The following INTS9 variants were observed in gnomAD, a reference collection of about 807,000 sequenced individuals.
INTS9 encodes protein related to CPSF subunits of 74 kDa.
A neutral mutation model predicts 79.7 loss-of-function variants in INTS9; 55 were observed. That is an observed-to-expected ratio of 0.69 (90% CI 0.56 to 0.86). The LOEUF (loss-of-function observed/expected upper bound fraction) is 0.86, where lower values mean the gene tolerates loss of function less well. Ranked by LOEUF, INTS9 falls within the 40% of genes least tolerant of loss-of-function variation. The pLI, the probability that INTS9 is intolerant of heterozygous loss-of-function variation, is 0.00. For synonymous variants in INTS9, 319 were observed against 325.2 expected (o/e 0.98, Z 0.20); for missense variants, 721 against 831.5 (o/e 0.87, Z 1.64).
intron 6 of INTS9, among the ~76,000 whole-genome samples, chr8:28,823,105 T>G (rs1805942111): frequency 6.6e-6 from 1 of 152,110 alleles, no homozygotes; most frequent in Admixed American, 6.5e-5. Context: ...AGAGGACTTT[T>G]CAAGGAGATA....
At chr8:28,797,436 T>C (rs955745816) in intron 8 of INTS9, among the ~76,000 whole-genome samples, 2 of 152,238 alleles carry the variant, frequency 1.3e-5, no homozygotes, top group East Asian at 1.9e-4. Flanking sequence ...GGATTTCCTA[T>C]AAAATGGGGC....
chr8:28,807,837 C>T (rs1020887549), intron 8 of INTS9, among the ~76,000 whole-genome samples: 1 of 152,148 alleles, frequency 6.6e-6, no homozygotes, highest in African/African-American at 2.4e-5. Flanking sequence ...ATCATCATTG[C>T]TGTGCAACGT....
chr8:28,878,550 G>A (rs889608441), intron 1 of INTS9, among the ~76,000 whole-genome samples: 1 of 150,656 alleles, frequency 6.6e-6, no homozygotes, highest in Non-Finnish European at 1.5e-5. Flanking sequence ...TCAAACTTGC[G>A]AGCTCAAGTG....
rs565591437 is a variant in INTS9, at chr8:28,864,869, C to T, written c.10-5306G>A. Reference sequence around the variant, plus strand: ...AGCATGGTGGTGCACACCTGTAATCCCAGCTACCCGGGAGGCTGAGGCAGG... The same window carrying T: ...AGCATGGTGGTGCACACCTGTAATCTCAGCTACCCGGGAGGCTGAGGCAGG... On this transcript the variant is annotated intron_variant, in intron 1 of 16. Coordinates refer to ENST00000521022, the MANE Select transcript of INTS9 (RefSeq NM_018250.4). Among the ~76,000 whole-genome samples the T allele has an allele frequency of 5.9e-5, 9 of 151,826 alleles. No individual in the cohort carries two copies. In the East Asian group the frequency reaches 1.5e-3, roughly 26 times the overall value.
At chr8:28,870,959 A>G (rs1052739535) in intron 1 of INTS9, among the ~76,000 whole-genome samples, 11 of 152,200 alleles carry the variant, frequency 7.2e-5, no homozygotes, top group Non-Finnish European at 1.5e-4. Flanking sequence ...ATTTCCAAAC[A>G]GCTTTTGATA....
At chr8:28,778,301 C>G (rs184284692) in intron 12 of INTS9, among the ~76,000 whole-genome samples, 108 of 152,324 alleles carry the variant, frequency 7.1e-4, no homozygotes, top group African/African-American at 2.4e-3. Flanking sequence ...ATCACTTATT[C>G]AGATGAAAAT....
chr8:28,888,690 C>T (rs536944139), intron 1 of INTS9, among the ~76,000 whole-genome samples: 2 of 152,280 alleles, frequency 1.3e-5, no homozygotes, highest in Admixed American at 1.3e-4. Flanking sequence ...TTGCTATTCT[C>T]AAGGTTTAGT....
In INTS9 at chr8:28,793,830, C is replaced by T. The variant is rs1388992381; in HGVS notation, c.1014G>A (p.Glu338=). ...FISPVANSSL[E]FSQIFAEWLC... ...ACCACTCAGCAAAGATCTGGGAAAA[C>T]TCCAGTGAACTGTTGGCCACAGGGG... The change falls in exon 10 of 17, where the codon GAG becomes GAA. Residue 338 remains glutamate, a synonymous_variant. Coordinates refer to ENST00000521022, the MANE Select transcript of INTS9 (RefSeq NM_018250.4). 1 of 1,606,390 alleles carries T rather than the reference C, an allele frequency of 6.2e-7. No homozygotes were observed.
chr8:28,850,342 T>G, intron 2 of INTS9, 69 bp from the exon 3 acceptor site: 1 of 1,243,572 alleles, frequency 8.0e-7, no homozygotes, highest in Non-Finnish European at 1.2e-6. Flanking sequence ...TCATGGTAAC[T>G]TACTGTCTCC....
chr8:28,813,462 G>A, intron 7 of INTS9, 30 bp downstream of exon 7: 2 of 1,599,166 alleles, frequency 1.3e-6, no homozygotes, highest in Non-Finnish European at 1.7e-6. Context: ...AAGCATTCAT[G>A]AATAACTGAA....
At chr8:28,800,805 T>C (rs1265182027) in intron 8 of INTS9, among the ~76,000 whole-genome samples, 4 of 152,196 alleles carry the variant, frequency 2.6e-5, no homozygotes, top group African/African-American at 4.8e-5. Flanking sequence ...TCACTAACTA[T>C]GTGAGGTAAT....
At chr8:28,805,259 A>G (rs1170156614) in intron 8 of INTS9, among the ~76,000 whole-genome samples, 2 of 152,242 alleles carry the variant, frequency 1.3e-5, no homozygotes, top group Non-Finnish European at 2.9e-5. Context: ...AACAAGCGAT[A>G]CAAGTGGAAA....
At chr8:28,817,621 C>T (rs1354769349) in intron 6 of INTS9, among the ~76,000 whole-genome samples, 2 of 151,168 alleles carry the variant, frequency 1.3e-5, no homozygotes, top group East Asian at 3.9e-4. Context: ...TGGCTTAGGA[C>T]TGACTTGGTG....
At chr8:28,815,594 G>A (rs6998570) in intron 6 of INTS9, among the ~76,000 whole-genome samples, 34,833 of 151,998 alleles carry the variant, frequency 0.23, 4,804 homozygotes, top group East Asian at 0.46. Context: ...ATCGGAAAAA[G>A]TCTGAAGTCT....
Position 28,780,554 on chromosome 8 carries a change from G to A in INTS9, c.1270+269C>T, listed in dbSNP as rs75613147. On this transcript the variant is annotated intron_variant, in intron 12 of 16. Transcript: ENST00000521022. ...CACTGCACTTCTTGAAATGGCTTAC[G>A]ATATCCTAGCAAAAGCACTCAGCAG... The A allele has an allele frequency of 7.5e-4, 736 of 985,400 alleles. 1 individual carries two copies. The African/African-American group carries it at 0.012, about 16-fold the overall frequency. The allele number at this position is 985,400 out of a possible 1,614,324, so 61.0% of individuals were successfully genotyped here.
chr8:28,823,076 C>G (rs1274686928), intron 6 of INTS9, among the ~76,000 whole-genome samples: 1 of 152,176 alleles, frequency 6.6e-6, no homozygotes, highest in Admixed American at 6.5e-5. Flanking sequence ...CAGCTGACAT[C>G]AGAGAGAGAA....
At position 28,786,352 on chromosome 8, in the gene INTS9, T is replaced by G. The variant is rs116418173; in HGVS notation, c.1098+1477A>C. ...ACTGGTGTGCAGTAAGTAGCACGAT[T>G]GCAGTTCACTGCAGCAGCCTCGAAC... On this transcript the variant is annotated intron_variant, in intron 11 of 16. Transcript: ENST00000521022. Among the ~76,000 whole-genome samples, 972 of 152,218 alleles carry G rather than the reference T, an allele frequency of 6.4e-3. 7 individuals are homozygous for G. Among genetic ancestry groups the G allele is most frequent in the African/African-American group, 0.023 (937 of 41,528 alleles).
chr8:28,801,514 C>CA lies in INTS9; in HGVS notation c.745-4860dup, dbSNP rs1195287726. ...CAAAACAAACAAACAAACAAAAAAA[C>CA]AAAAAAAACCCAAAAAACAAAAACC... On this transcript the variant is annotated intron_variant, in intron 8 of 16. Coordinates refer to ENST00000521022, the MANE Select transcript of INTS9 (RefSeq NM_018250.4). Among the ~76,000 whole-genome samples, 519 of 149,862 alleles carry CA rather than the reference C, an allele frequency of 3.5e-3. 2 individuals carry two copies. The highest frequency in any genetic ancestry group is 0.011 in the African/African-American group (463 of 40,810).
At chr8:28,866,568 T>G (rs1585503006) in intron 1 of INTS9, among the ~76,000 whole-genome samples, 1 of 152,316 alleles carries the variant, frequency 6.6e-6, no homozygotes, top group East Asian at 1.9e-4. Flanking sequence ...TAGTACTGTA[T>G]ACAGTCCTTG....
Sources: allele counts gnomAD v4.1 joint callset (sites outside exome capture counted in the v4.1 genomes callset), GRCh38; gene constraint gnomAD v4.1.1; transcripts MANE v1.5; gene names NCBI Gene and HGNC (gene_info 2026-07-23, HGNC 2026-07-21).